Variants in INTS6L observed in about 807,000 individuals in gnomAD.
INTS6L encodes the protein integrator complex subunit 6-like.
A neutral mutation model predicts 64.7 loss-of-function variants in INTS6L; 18 were observed. The observed-to-expected ratio is 0.28, with a 90% CI of 0.19 to 0.41. The LOEUF is 0.41. Ranked by LOEUF, INTS6L falls within the 10% of genes least tolerant of loss-of-function variation. The probability of loss-of-function intolerance (pLI) is 1.00; values close to 1 mark genes in which losing one functional copy is unlikely to be tolerated. For missense variants in INTS6L, 533 were observed against 661.0 expected (o/e 0.81, Z 2.12); for synonymous variants, 227 against 235.9 (o/e 0.96, Z 0.34).
chrX:135,528,267 C>T (rs1188101026), intron 2 of INTS6L, among the ~76,000 whole-genome samples: 3 of 111,997 alleles, frequency 2.7e-5, no homozygotes, highest in Non-Finnish European at 5.6e-5. Flanking sequence ...CCAGACCTTC[C>T]TCCCAGGAAC....
intron 14 of INTS6L, 122 bp downstream of exon 14, chrX:135,575,348 G>C: frequency 1.1e-6 from 1 of 905,018 alleles, no homozygotes; most frequent in Non-Finnish European, 1.5e-6. Flanking sequence ...AATAAAATAT[G>C]ACACTAAGGC....
At chrX:135,525,170 T>C (rs1283444826) in intron 2 of INTS6L, among the ~76,000 whole-genome samples, 1 of 112,498 alleles carries the variant, frequency 8.9e-6, no homozygotes, top group Non-Finnish European at 1.9e-5. Flanking sequence ...TTGTATGTTT[T>C]GTTTTGCTAT....
chrX:135,581,045 T>C lies in INTS6L; in HGVS notation c.2495-5T>C. 7 of 1,135,720 alleles carry C rather than the reference T, an allele frequency of 6.2e-6. No individual in the cohort carries two copies. The highest frequency in any genetic ancestry group is 8.2e-6 in the Non-Finnish European group (7 of 857,041). The allele number at this position is 1,135,720 out of a possible 1,213,427, so 93.6% of individuals were successfully genotyped here. A position where few individuals can be genotyped will look rare whatever the true frequency, so the allele number is the denominator to read the frequency against. On this transcript the variant is annotated splice_region_variant and splice_polypyrimidine_tract_variant and intron_variant, in intron 16 of 17. Coordinates refer to ENST00000639893, the MANE Select transcript of INTS6L (RefSeq NM_001351601.3). ...AAATACTGAAGTTTTTTTAAATATC[T>C]TCAGAATATGAAAGAATTTTCATTT...
At chrX:135,545,610 G>A in intron 3 of INTS6L, 38 bp downstream of exon 3, 1 of 1,140,830 alleles carries the variant, frequency 8.8e-7, no homozygotes, top group Admixed American at 2.8e-5. Flanking sequence ...AATTTATTTT[G>A]GTGGCTTGGG....
chrX:135,538,029 G>A (rs1235179711), intron 2 of INTS6L, among the ~76,000 whole-genome samples: 1 of 112,661 alleles, frequency 8.9e-6, no homozygotes, highest in Non-Finnish European at 1.9e-5. Context: ...TGGCTGCTGA[G>A]TGATCAGGGC....
At chrX:135,553,694 A>G (rs782807689) in intron 8 of INTS6L, among the ~76,000 whole-genome samples, 84 of 110,427 alleles carry the variant, frequency 7.6e-4, no homozygotes, top group African/African-American at 2.8e-3. Flanking sequence ...TGAGCTCTAT[A>G]CTTATAGTTT....
At chrX:135,536,890 T>G (rs1409464716) in intron 2 of INTS6L, among the ~76,000 whole-genome samples, 1 of 111,635 alleles carries the variant, frequency 9.0e-6, no homozygotes, top group African/African-American at 3.3e-5. Context: ...GAGGAAAGGA[T>G]GTAGCCTACA....
intron 2 of INTS6L, among the ~76,000 whole-genome samples, chrX:135,538,912 G>T (rs1450041925): frequency 8.9e-6 from 1 of 111,864 alleles, no homozygotes; most frequent in Admixed American, 9.5e-5. Flanking sequence ...TCAAAAGAGG[G>T]CTTAAAATAT....
At chrX:135,530,441 G>C (rs1355788840) in intron 2 of INTS6L, among the ~76,000 whole-genome samples, 1 of 111,425 alleles carries the variant, frequency 9.0e-6, no homozygotes, top group African/African-American at 3.3e-5. Context: ...AAAGCAGCAG[G>C]GTAGTCCTTG....
intron 2 of INTS6L, among the ~76,000 whole-genome samples, chrX:135,523,399 C>T (rs1272797321): frequency 4.6e-5 from 1 of 21,675 alleles, no homozygotes; most frequent in Non-Finnish European, 8.5e-5. Context: ...GAAACTCTGT[C>T]GTCAAAAAAA....
intron 9 of INTS6L, among the ~76,000 whole-genome samples, chrX:135,564,975 T>G (rs1401232243): frequency 3.6e-5 from 4 of 111,241 alleles, no homozygotes; most frequent in Non-Finnish European, 7.6e-5. Flanking sequence ...CTCCTTGTTA[T>G]TGTTGTGTGT....
At chrX:135,549,383 G>A (rs978422615) in intron 6 of INTS6L, among the ~76,000 whole-genome samples, 3 of 112,278 alleles carry the variant, frequency 2.7e-5, no homozygotes, top group Non-Finnish European at 5.6e-5. Flanking sequence ...ATAGTTTTCT[G>A]CATAACTGCA....
intron 14 of INTS6L, among the ~76,000 whole-genome samples, chrX:135,576,733 C>T (rs1223822132): frequency 1.8e-5 from 2 of 112,202 alleles, no homozygotes; most frequent in Non-Finnish European, 3.8e-5. Context: ...ATGTAGCATA[C>T]TGTACAGTGA....
chrX:135,564,604 C>T (rs373727702), intron 9 of INTS6L, among the ~76,000 whole-genome samples: 25 of 109,031 alleles, frequency 2.3e-4, no homozygotes, highest in African/African-American at 6.7e-4. Flanking sequence ...TGGTGGTGCA[C>T]GCCTGTAATT....
At chrX:135,560,694 A>G (rs1655793130) in intron 9 of INTS6L, among the ~76,000 whole-genome samples, 1 of 110,166 alleles carries the variant, frequency 9.1e-6, no homozygotes, top group African/African-American at 3.3e-5. Flanking sequence ...AAATACAAAA[A>G]TTAGCTGGGC....
intron 2 of INTS6L, among the ~76,000 whole-genome samples, chrX:135,528,870 C>CT (rs1356928402): frequency 1.5e-5 from 1 of 67,214 alleles, no homozygotes; most frequent in Non-Finnish European, 2.8e-5. Context: ...ATGAACACCC[C>CT]CCCCCCCGAC....
intron 13 of INTS6L, 117 bp downstream of exon 13, chrX:135,574,179 G>A: frequency 1.2e-6 from 1 of 866,049 alleles, no homozygotes. Context: ...TGTTTAAAAT[G>A]CCTGTTTTCA....
chrX:135,567,175 G>C (rs1300164066), intron 9 of INTS6L, among the ~76,000 whole-genome samples: 4 of 111,982 alleles, frequency 3.6e-5, no homozygotes, highest in Non-Finnish European at 7.5e-5. Context: ...GGCTGAGCTT[G>C]AACTCAAACC....
chrX:135,573,843 T>C (rs147578040), intron 12 of INTS6L, 96 bp from the exon 13 acceptor site: 11,408 of 987,924 alleles, frequency 0.012, 72 homozygotes, highest in South Asian at 0.046. Flanking sequence ...TGTATTGATA[T>C]AACACTCTTC....
Sources: gnomAD v4.1 joint callset for allele counts (sites outside exome capture counted in the v4.1 genomes callset) on GRCh38, gnomAD v4.1.1 for gene constraint, MANE v1.5 for transcripts, NCBI Gene and HGNC (gene_info 2026-07-23, HGNC 2026-07-21) for gene names.